Variants in LILRA2 observed in about 807,000 individuals in gnomAD.
LILRA2 encodes leukocyte immunoglobulin like receptor A2.
A neutral mutation model predicts 47.9 loss-of-function variants in LILRA2; 45 were observed. The ratio of observed to expected loss-of-function variants is 0.94; its 90% CI spans 0.74 to 1.20. The LOEUF (loss-of-function observed/expected upper bound fraction) is 1.20, where lower values mean the gene tolerates loss of function less well. Ranked by LOEUF, LILRA2 falls within the 50% of genes most tolerant of loss-of-function variation. The probability of loss-of-function intolerance (pLI) is 0.00; values close to 1 mark genes in which losing one functional copy is unlikely to be tolerated. For synonymous variants in LILRA2, 279 were observed against 249.2 expected, an observed-to-expected ratio of 1.12 and a Z score of -1.13; for missense variants, 651 against 598.2, an observed-to-expected ratio of 1.09 and a Z score of -0.92.
chr19:54,581,886 A>C (rs576061198), intron 6 of LILRA2, among the ~76,000 whole-genome samples: 12 of 152,300 alleles, frequency 7.9e-5, no homozygotes, highest in Admixed American at 1.3e-4. Context: ...TTCTTTGCCC[A>C]TTCAGTATGA....
In LILRA2 at chr19:54,578,017, G is replaced by A. The variant is rs1029523671; in HGVS notation, c.1255+1908G>A. On this transcript the variant is annotated intron_variant, in intron 6 of 7. Transcript: ENST00000391738. Reference sequence around the variant, plus strand: ...ATGAAGATTTTCTTAATGAATTTAAGACATGTTTTGAAATTTTACTCCTAA... The same window carrying A: ...ATGAAGATTTTCTTAATGAATTTAAAACATGTTTTGAAATTTTACTCCTAA... Among the ~76,000 whole-genome samples, 152 of 150,966 alleles carry A rather than the reference G, an allele frequency of 1.0e-3. No homozygotes were observed. In the South Asian group the frequency reaches 0.022, roughly 22 times the overall value.
intron 6 of LILRA2, among the ~76,000 whole-genome samples, chr19:54,585,430 T>C (rs1228759290): frequency 6.6e-6 from 1 of 152,232 alleles, no homozygotes; most frequent in South Asian, 2.1e-4. Context: ...TGAGCTGTGG[T>C]GGGCTCCACC....
intron 6 of LILRA2, chr19:54,577,709 C>T (rs2062512347): frequency 7.9e-7 from 1 of 1,262,068 alleles, no homozygotes; most frequent in Non-Finnish European, 1.0e-6. Context: ...TGCACCTGCT[C>T]CCTGGACAAG....
chr19:54,575,106 G>C (rs1356066633), intron 4 of LILRA2, 73 bp downstream of exon 4: 2 of 1,571,768 alleles, frequency 1.3e-6, no homozygotes, highest in East Asian at 2.2e-5. Context: ...GAGCAGCCGC[G>C]TCTCAGGGCA....
intron 6 of LILRA2, among the ~76,000 whole-genome samples, chr19:54,581,335 G>C (rs1455112698): frequency 3.3e-5 from 1 of 30,624 alleles, no homozygotes; most frequent in African/African-American, 1.6e-4. Flanking sequence ...TATGGTTTTA[G>C]GTTTAACGTT....
chr19:54,576,060 C>A lies in LILRA2; in HGVS notation c.1206C>A (p.Asn402Lys), dbSNP rs1346781931. 3.7e-6 allele frequency: 6 copies of A among 1,614,046 alleles called. No individual in the cohort carries two copies. In the Admixed American group the frequency reaches 8.3e-5, roughly 22 times the overall value. ...TYRCYSSLSS[N>K]PYLLSLPSDP... The stretch of plus-strand genomic sequence containing the variant: ...GATGCTACAGCTCACTCAGCTCCAA[C>A]CCCTACCTGCTGTCTCTCCCCAGTG... Residue 402 changes from asparagine to lysine, a missense_variant, in exon 6 of 8, where the codon AAC becomes AAA. Asn to Lys is a moderately conservative substitution (Grantham distance 94). Transcript: ENST00000391738.
Position 54,576,015 on chromosome 19 carries a change from A to C in LILRA2, c.1161A>C (p.Ser387=). 6.3e-7 allele frequency: 1 copy of C among 1,597,098 alleles called. No individual in the cohort carries two copies. The change falls in exon 6 of 8, where the codon TCA becomes TCC. Residue 387 remains serine, a synonymous_variant. Transcript: ENST00000391738. Reference sequence around the variant, plus strand: ...AATTCCGCATGGGTCCTGTGACCTCAGCCCACGTGGGGACCTACAGATGCT... The same window carrying C: ...AATTCCGCATGGGTCCTGTGACCTCCGCCCACGTGGGGACCTACAGATGCT... The part of the protein sequence containing the change: ...QAEFRMGPVT[S]AHVGTYRCYS...
chr19:54,584,357 T>C (rs942688707), intron 6 of LILRA2, among the ~76,000 whole-genome samples: 8 of 152,338 alleles, frequency 5.3e-5, no homozygotes, highest in African/African-American at 1.7e-4. Flanking sequence ...GATAATATTC[T>C]GAAGAGTGTT....
rs78658490 is a variant in LILRA2, at chr19:54,586,958, G to T, written c.1256-52G>T. On this transcript the variant is annotated intron_variant, in intron 6 of 7. Transcript: ENST00000391738. Reference sequence around the variant, plus strand: ...ACACAGGGGAAAAGAAGAATGCAGAGCCCAGGAGTGAGGCTGGGCTCAGGG... The same window carrying T: ...ACACAGGGGAAAAGAAGAATGCAGATCCCAGGAGTGAGGCTGGGCTCAGGG... 1.0e-5 allele frequency: 14 copies of T among 1,379,396 alleles called. No individual in the cohort carries two copies. In the African/African-American group the frequency reaches 1.7e-4, roughly 17 times the overall value. 85.4% of individuals were successfully genotyped at this position (1,379,396 alleles called of 1,614,324 possible). A position where few individuals can be genotyped will look rare whatever the true frequency, so the allele number is the denominator to read the frequency against.
chr19:54,575,510 G>T lies in LILRA2; in HGVS notation c.910G>T (p.Glu304Ter). 6.2e-7 allele frequency: 1 copy of T among 1,612,574 alleles called. No individual in the cohort carries two copies. Among genetic ancestry groups the T allele is most frequent in the Non-Finnish European group, 8.5e-7 (1 of 1,179,874 alleles). Residue 304 changes from glutamate (E) to a stop codon, truncating the protein, a stop_gained, in exon 5 of 8, where the codon GAG becomes TAG. Coordinates refer to ENST00000391738, the MANE Select transcript of LILRA2 (RefSeq NM_001130917.3). LOFTEE classifies it high-confidence loss of function. Reference protein sequence around the residue: ...RCYSAHNLSSEWSAPSDPLDI... With the variant: ...RCYSAHNLSS ...CTACAGTGCACACAACCTCTCCTCC[G>T]AGTGGTCGGCCCCCAGTGACCCCCT... is the stretch of plus-strand genomic sequence containing the variant.
intron 6 of LILRA2, among the ~76,000 whole-genome samples, chr19:54,579,151 G>A (rs2062567290): frequency 6.6e-6 from 1 of 152,142 alleles, no homozygotes; most frequent in African/African-American, 2.4e-5. Flanking sequence ...TGGTGCCATT[G>A]CTTGTGGTGT....
At chr19:54,583,075 AGTT>A (rs555000145) in intron 6 of LILRA2, among the ~76,000 whole-genome samples, 4 of 152,148 alleles carry the variant, frequency 2.6e-5, no homozygotes, top group South Asian at 2.1e-4. Flanking sequence ...GTTTCCATGT[AGTT>A]GTGTGGTTTT....
Position 54,587,632 on chromosome 19 carries a change from G to T in LILRA2, c.*286G>T, listed in dbSNP as rs116788087. 1,556 of 518,488 alleles carry T rather than the reference G, an allele frequency of 3.0e-3. 16 individuals are homozygous for T. Among genetic ancestry groups the T allele is most frequent in the African/African-American group, 0.027 (1,401 of 52,346 alleles). The allele number at this position is 518,488 out of a possible 1,614,324, so 32.1% of individuals were successfully genotyped here. A position where few individuals can be genotyped will look rare whatever the true frequency, so the allele number is the denominator to read the frequency against. ...ATGAGGCTCCATCCCACATGGCACC[G>T]TTGGGTCCACACCTCCACACACCTG... On this transcript the variant is annotated 3_prime_UTR_variant, in exon 8 of 8. Coordinates refer to ENST00000391738, the MANE Select transcript of LILRA2 (RefSeq NM_001130917.3).
At position 54,588,994 on chromosome 19, in the gene LILRA2, T is replaced by C. The variant is rs1320748868; in HGVS notation, c.*1648T>C. ...GGAAGAATTCTTAAATGACTCGTTCTACTTTCTGCTGGTCCAGGCACTCCT... is the reference window on the plus strand; with the variant it reads ...GGAAGAATTCTTAAATGACTCGTTCCACTTTCTGCTGGTCCAGGCACTCCT... On this transcript the variant is annotated 3_prime_UTR_variant, in exon 8 of 8. Transcript: ENST00000391738. 6.6e-6 allele frequency: 1 copy of C among 152,154 alleles called. No homozygotes were observed. The highest frequency in any genetic ancestry group is 2.4e-5 in the African/African-American group (1 of 41,412). The allele number at this position is 152,154 out of a possible 1,614,324, so 9.4% of individuals were successfully genotyped here.
rs1368161046 is a variant in LILRA2, at chr19:54,575,163, G to A, written c.656-93G>A. On this transcript the variant is annotated intron_variant, in intron 4 of 7. Transcript: ENST00000391738. Reference sequence around the variant, plus strand: ...GGGCGAGAGGGCTCAGGGCTCCTGGGGCCGGAGACACAGGAAGATCAGCGG... The same window carrying A: ...GGGCGAGAGGGCTCAGGGCTCCTGGAGCCGGAGACACAGGAAGATCAGCGG... The A allele has an allele frequency of 2.6e-6, 4 of 1,549,712 alleles. No individual in the cohort carries two copies. In the East Asian group the frequency reaches 6.8e-5, roughly 26 times the overall value.
At chr19:54,577,644 G>C in intron 6 of LILRA2, 3 of 1,289,654 alleles carry the variant, frequency 2.3e-6, no homozygotes, top group Non-Finnish European at 3.0e-6. Flanking sequence ...TGCCCCTCCT[G>C]TGCTCACCTG....
chr19:54,577,543 C>T (rs1334305547), intron 6 of LILRA2: 1 of 1,289,626 alleles, frequency 7.8e-7, no homozygotes, highest in Non-Finnish European at 1.0e-6. Context: ...GCTGCTTGGG[C>T]CTCGGTGGGA....
chr19:54,583,638 A>G (rs1378992112), intron 6 of LILRA2, among the ~76,000 whole-genome samples: 1 of 150,836 alleles, frequency 6.6e-6, no homozygotes, highest in Non-Finnish European at 1.5e-5. Flanking sequence ...ATCTTCCTCC[A>G]TACCTTTATT....
At position 54,587,649 on chromosome 19, in the gene LILRA2, A is replaced by G. The variant is rs73939011; in HGVS notation, c.*303A>G. 1,320 of 475,892 alleles carry G rather than the reference A, an allele frequency of 2.8e-3. 19 individuals are homozygous for G. Among genetic ancestry groups the G allele is most frequent in the African/African-American group, 0.023 (1,195 of 51,634 alleles). The allele number at this position is 475,892 out of a possible 1,614,324, so 29.5% of individuals were successfully genotyped here. A position where few individuals can be genotyped will look rare whatever the true frequency, so the allele number is the denominator to read the frequency against. On this transcript the variant is annotated 3_prime_UTR_variant, in exon 8 of 8. Transcript: ENST00000391738. ...ATGGCACCGTTGGGTCCACACCTCCACACACCTGTGTGCTCTGGTCCACGG... is the reference window on the plus strand; with the variant it reads ...ATGGCACCGTTGGGTCCACACCTCCGCACACCTGTGTGCTCTGGTCCACGG...
Sources: allele counts gnomAD v4.1 joint callset (sites outside exome capture counted in the v4.1 genomes callset), GRCh38; gene constraint gnomAD v4.1.1; transcripts MANE v1.5; gene names NCBI Gene and HGNC (gene_info 2026-07-23, HGNC 2026-07-21).